The following SEMA4A variants were observed in gnomAD, a reference collection of about 807,000 sequenced individuals.
SEMA4A encodes semaphorin 4A, also known as semaphorin-4A.
In SEMA4A, 52 loss-of-function variants were observed where a neutral mutation model predicts 72.5. The ratio of observed to expected loss-of-function variants is 0.72; its 90% confidence interval spans 0.57 to 0.90. SEMA4A has a LOEUF of 0.90. Ranked by LOEUF, SEMA4A falls within the 40% of genes least tolerant of loss-of-function variation. The pLI, the probability that SEMA4A is intolerant of heterozygous loss-of-function variation, is 0.00. For missense variants in SEMA4A, 926 were observed against 959.7 expected, an observed-to-expected ratio of 0.96 and a Z score of 0.46; for synonymous variants, 369 against 393.1, an observed-to-expected ratio of 0.94 and a Z score of 0.73.
At chr1:156,161,588 C>T in intron 9 of SEMA4A, 70 bp downstream of exon 9, 2 of 1,558,456 alleles carry the variant, frequency 1.3e-6, no homozygotes, top group East Asian at 2.3e-5. Context: ...AGCTCGTGAG[C>T]GGAGGCAGGA....
intron 10 of SEMA4A, among the ~76,000 whole-genome samples, chr1:156,169,407 CTTTTTT>C (rs766983966): frequency 1.1e-4 from 9 of 85,300 alleles, no homozygotes; most frequent in East Asian, 3.1e-4. Context: ...CTTTTCTTTT[CTTTTTT>C]TTTTTTTTTT....
Position 156,160,578 on chromosome 1 carries a change from C to A in SEMA4A, c.685+19C>A. 6.3e-7 allele frequency: 1 copy of A among 1,599,866 alleles called. No homozygotes were observed. The highest frequency in any genetic ancestry group is 8.6e-7 in the Non-Finnish European group (1 of 1,167,102). On this transcript the variant is annotated intron_variant, in intron 7 of 14. Transcript: ENST00000368285. The stretch of plus-strand genomic sequence containing the variant: ...CTGCATCGTAAGGACCTGACCCCCG[C>A]TGGCCTCCTTTCCTGAGTCCTGGTG...
At chr1:156,162,363 C>T (rs1201263802) in intron 9 of SEMA4A, among the ~76,000 whole-genome samples, 2 of 152,238 alleles carry the variant, frequency 1.3e-5, no homozygotes, top group Non-Finnish European at 2.9e-5. Context: ...TGTTTAGGTA[C>T]CTGCTGACAA....
At chr1:156,166,600 G>A (rs1018055784) in intron 10 of SEMA4A, among the ~76,000 whole-genome samples, 3 of 152,126 alleles carry the variant, frequency 2.0e-5, no homozygotes, top group Non-Finnish European at 4.4e-5. Flanking sequence ...CTTTCTGTCA[G>A]GTTTTTCATT....
intron 10 of SEMA4A, among the ~76,000 whole-genome samples, chr1:156,165,132 CT>C (rs1167932571): frequency 6.6e-6 from 1 of 152,068 alleles, no homozygotes; most frequent in Non-Finnish European, 1.5e-5. Context: ...ACCCCAAACT[CT>C]TCTTAAATTA....
chr1:156,157,987 A>G lies in SEMA4A; in HGVS notation c.301-83A>G. The G allele has an allele frequency of 1.5e-6, 2 of 1,362,742 alleles. No individual in the cohort carries two copies. The highest frequency in any genetic ancestry group is 2.1e-6 in the Non-Finnish European group (2 of 961,426). The allele number at this position is 1,362,742 out of a possible 1,614,324, so 84.4% of individuals were successfully genotyped here. On this transcript the variant is annotated intron_variant, in intron 3 of 14. Coordinates refer to ENST00000368285, the MANE Select transcript of SEMA4A (RefSeq NM_022367.4). This position sits in a 1 kb window ranked among gnomAD's most constrained non-coding sequence, Gnocchi z 4.5. ...CCATGTCTGCTGGTTATTTCACATC[A>G]GAGCAGAGAAGGGAGGCAGGTCACA...
chr1:156,156,213 C>T (rs1361855384), intron 2 of SEMA4A: 1 of 619,582 alleles, frequency 1.6e-6, no homozygotes, highest in Non-Finnish European at 3.0e-6. Flanking sequence ...TGCCTCTCCT[C>T]TCTACTGCGG....
chr1:156,158,627 C>A, intron 5 of SEMA4A, 92 bp from the exon 6 acceptor site: 2 of 1,328,728 alleles, frequency 1.5e-6, no homozygotes, highest in African/African-American at 1.4e-5. Context: ...ACCAATTTCC[C>A]TCTATGTCCC....
upstream of SEMA4A, among the ~76,000 whole-genome samples, chr1:156,151,669 C>T (rs1305604212): frequency 6.6e-6 from 1 of 151,732 alleles, no homozygotes; most frequent in Non-Finnish European, 1.5e-5. Flanking sequence ...CCCATCTCTA[C>T]TAAAAATACA....
At chr1:156,161,575 C>T (rs1412995810) in intron 9 of SEMA4A, 57 bp downstream of exon 9, 2 of 1,592,624 alleles carry the variant, frequency 1.3e-6, no homozygotes, top group Non-Finnish European at 1.7e-6. Context: ...CCAGTGAGGC[C>T]CCAGCTCGTG....
intron 10 of SEMA4A, among the ~76,000 whole-genome samples, chr1:156,171,272 C>T (rs1022179991): frequency 6.6e-6 from 1 of 152,216 alleles, no homozygotes; most frequent in Non-Finnish European, 1.5e-5. Context: ...AGGATCCTGA[C>T]TGAAGATCAA....
At position 156,176,947 on chromosome 1, in the gene SEMA4A, G is replaced by A. The variant is rs759248230; in HGVS notation, c.2236G>A (p.Ala746Thr). ...LQSPKECRTS[A>T]SDVDADNNCL... ...GTCTCCCAAGGAATGCAGGACCTCT[G>A]CCAGTGATGTGGACGCTGACAACAA... Residue 746 changes from alanine (A) to threonine (T), a missense_variant, in exon 15 of 15, where the codon GCC becomes ACC. Transcript: ENST00000368285. The A allele has an allele frequency of 1.2e-6, 2 of 1,613,756 alleles. No homozygotes were observed. Among genetic ancestry groups the A allele is most frequent in the African/African-American group, 2.7e-5 (2 of 75,070 alleles).
rs2075164 is a variant in SEMA4A at position 156,175,180 on chromosome 1, G to A, written c.1529G>A (p.Arg510Gln). The change falls in exon 13 of 15, where the codon CGG (arginine) becomes CAG (glutamine). Residue 510 changes from arginine to glutamine, a missense_variant. Transcript: ENST00000368285. ...YESCVDCVLA[R>Q]DPHCAWDPES... Reference sequence around the variant, plus strand: ...AGCTGTGTGGACTGTGTCCTTGCCCGGGACCCCCACTGTGCCTGGGACCCT... The same window carrying A: ...AGCTGTGTGGACTGTGTCCTTGCCCAGGACCCCCACTGTGCCTGGGACCCT... 3,919 of 1,614,066 alleles carry A rather than the reference G, an allele frequency of 2.4e-3. 128 individuals carry two copies. The East Asian group carries it at 0.069, about 28-fold the overall frequency.
intron 10 of SEMA4A, among the ~76,000 whole-genome samples, chr1:156,170,018 C>T (rs533096173): frequency 5.3e-4 from 80 of 149,958 alleles, no homozygotes; most frequent in Middle Eastern, 3.7e-3. Flanking sequence ...AGCAAGACTC[C>T]GTCTCAAAAA....
At chr1:156,173,049 G>T (rs758478701) in intron 11 of SEMA4A, 43 bp downstream of exon 11, 29 of 1,590,950 alleles carry the variant, frequency 1.8e-5, no homozygotes, top group Non-Finnish European at 2.3e-5. Context: ...GACTAGAGCA[G>T]AGGATGCCCC....
upstream of SEMA4A, chr1:156,153,275 C>T (rs1652694432): frequency 6.6e-6 from 1 of 152,118 alleles, no homozygotes; most frequent in African/African-American, 2.4e-5. Context: ...GAGACCCCAC[C>T]TTGTGGGTAA....
At chr1:156,161,147 G>C in intron 8 of SEMA4A, 118 bp downstream of exon 8, 1 of 818,150 alleles carries the variant, frequency 1.2e-6, no homozygotes. Flanking sequence ...GGGAACAAGC[G>C]GGCCTGGCGG....
At chr1:156,166,090 A>G (rs1262375873) in intron 10 of SEMA4A, among the ~76,000 whole-genome samples, 1 of 151,928 alleles carries the variant, frequency 6.6e-6, no homozygotes, top group Non-Finnish European at 1.5e-5. Flanking sequence ...TATTTTTAGT[A>G]GAGACAGGGT....
intron 10 of SEMA4A, among the ~76,000 whole-genome samples, chr1:156,164,004 TG>T (rs1653929368): frequency 6.9e-6 from 1 of 144,434 alleles, no homozygotes; most frequent in Admixed American, 7.2e-5. Context: ...CACTCCAGCC[TG>T]GGTGACCAGA....
Sources: gnomAD v4.1 joint callset for allele counts (sites outside exome capture counted in the v4.1 genomes callset) on GRCh38, gnomAD v4.1.1 for gene constraint, Gnocchi (gnomAD v3.1) non-coding constraint, MANE v1.5 for transcripts, NCBI Gene and HGNC (gene_info 2026-07-23, HGNC 2026-07-21) for gene names.